Variants in TP53INP1 observed in about 807,000 individuals in gnomAD.
TP53INP1 encodes the protein tumor protein p53 inducible nuclear protein 1.
A neutral mutation model predicts 21.0 loss-of-function variants in TP53INP1; 12 were observed. That is an observed-to-expected ratio of 0.57 (90% confidence interval 0.37 to 0.93). TP53INP1 has a LOEUF of 0.93. Among genes scored for constraint, TP53INP1 ranks in the 40% least tolerant of loss-of-function variants. The pLI is 0.01. For synonymous variants in TP53INP1, 91 were observed against 94.8 expected, an observed-to-expected ratio of 0.96 and a Z score of 0.23; for missense variants, 274 against 294.7, an observed-to-expected ratio of 0.93 and a Z score of 0.51.
rs1245615544 is a variant in TP53INP1, at chr8:94,935,163, A to AGATAGATAGATAGAT, written c.474-4436_474-4435insATCTATCTATCTATC. 1.2e-4 allele frequency among the ~76,000 whole-genome samples: 19 copies of AGATAGATAGATAGAT among 152,192 alleles called. No individual in the cohort carries two copies. In the East Asian group the frequency reaches 3.7e-3, roughly 29 times the overall value. On this transcript the variant is annotated intron_variant, in intron 3 of 3. Coordinates refer to ENST00000342697, the MANE Select transcript of TP53INP1 (RefSeq NM_033285.4). ...TAGATAGATAGATAGATAGATAGAT[A>AGATAGATAGATAGAT]GATAGATAGATATAATACAATACTT... is the stretch of plus-strand genomic sequence containing the variant.
chr8:94,936,501 T>A (rs1820989075), intron 3 of TP53INP1, among the ~76,000 whole-genome samples: 2 of 152,038 alleles, frequency 1.3e-5, no homozygotes, highest in Non-Finnish European at 2.9e-5. Context: ...GCTACTTTGA[T>A]CAAAGAAGGT....
chr8:94,941,655 A>G (rs142924981), intron 1 of TP53INP1, among the ~76,000 whole-genome samples: 1 of 152,352 alleles, frequency 6.6e-6, no homozygotes, highest in East Asian at 1.9e-4. Flanking sequence ...TAGGAAACTG[A>G]GCTTGGCCAA....
At position 94,932,328 on chromosome 8, in the gene TP53INP1, A is replaced by G. The variant is rs112984593; in HGVS notation, c.474-1600T>C. Among the ~76,000 whole-genome samples, 382 of 152,356 alleles carry G rather than the reference A, an allele frequency of 2.5e-3. 4 individuals are homozygous for G. Among genetic ancestry groups the G allele is most frequent in the African/African-American group, 8.7e-3 (361 of 41,586 alleles). ...TACCCTGAAGCCCACTGTAATTACA[A>G]AGCACCTCAATTTTCTGTGCTTTAT... On this transcript the variant is annotated intron_variant, in intron 3 of 3. Coordinates refer to ENST00000342697, the MANE Select transcript of TP53INP1 (RefSeq NM_033285.4).
intron 1 of TP53INP1, among the ~76,000 whole-genome samples, chr8:94,947,843 C>T (rs1822154330): frequency 1.3e-5 from 2 of 152,184 alleles, no homozygotes; most frequent in Admixed American, 1.3e-4. Flanking sequence ...TTAGTAAGGT[C>T]CTGGTTCCAG....
At chr8:94,934,607 C>A (rs1200686393) in intron 3 of TP53INP1, among the ~76,000 whole-genome samples, 1 of 152,040 alleles carries the variant, frequency 6.6e-6, no homozygotes, top group Admixed American at 6.6e-5. Context: ...GTCTTGAACT[C>A]CTGACCTCGT....
At chr8:94,932,019 T>A in intron 3 of TP53INP1, 1 of 1,553,520 alleles carries the variant, frequency 6.4e-7, no homozygotes, top group South Asian at 1.2e-5. Flanking sequence ...TTGGGTCCTT[T>A]GCCTCCCTAT....
chr8:94,934,235 T>C (rs1363462301), intron 3 of TP53INP1, among the ~76,000 whole-genome samples: 1 of 152,194 alleles, frequency 6.6e-6, no homozygotes, highest in Non-Finnish European at 1.5e-5. Context: ...TTTCCAATTT[T>C]TGCATATTTG....
rs1405013947 is a variant in TP53INP1 at position 94,930,685 on chromosome 8, C to A, written c.517G>T (p.Val173Phe). The A allele has an allele frequency of 6.2e-7, 1 of 1,614,070 alleles. No individual in the cohort carries two copies. The highest frequency in any genetic ancestry group is 2.2e-5 in the East Asian group (1 of 44,904). The stretch of plus-strand genomic sequence containing the variant: ...GTTGTATGAGCAGCAAGAGCTGCAA[C>A]ATAACAATGAATATGCTGCCCCATT... ...NEMGQHIHCYVAALAAHTTFL... is the reference protein window; with the variant it reads ...NEMGQHIHCYFAALAAHTTFL... The change falls in exon 4 of 4, where the codon GTT becomes TTT. Residue 173 changes from valine (V) to phenylalanine (F), a missense_variant. Val to Phe is a conservative substitution (Grantham distance 50). Transcript: ENST00000342697.
At position 94,930,319 on chromosome 8, in the gene TP53INP1, A is replaced by T; in HGVS notation, c.*160T>A. The T allele has an allele frequency of 1.0e-6, 1 of 968,616 alleles. No individual in the cohort carries two copies. Among genetic ancestry groups the T allele is most frequent in the Non-Finnish European group, 1.5e-6 (1 of 653,232 alleles). The allele number at this position is 968,616 out of a possible 1,614,324, so 60.0% of individuals were successfully genotyped here. On this transcript the variant is annotated 3_prime_UTR_variant, in exon 4 of 4. Transcript: ENST00000342697. The stretch of plus-strand genomic sequence containing the variant: ...GGCAAGGCATTATGTGATACACAGC[A>T]TATAAATCTGATTTTCAAGATAGTG...
intron 2 of TP53INP1, 58 bp from the exon 3 acceptor site, chr8:94,940,278 T>G (rs774879019): frequency 1.6e-5 from 24 of 1,525,464 alleles, no homozygotes; most frequent in Non-Finnish European, 2.0e-5. Flanking sequence ...CACAGGAGGA[T>G]GATTATCACA....
intron 1 of TP53INP1, among the ~76,000 whole-genome samples, chr8:94,945,243 C>G (rs914413628): frequency 1.6e-4 from 25 of 152,096 alleles, no homozygotes; most frequent in African/African-American, 6.0e-4. Flanking sequence ...CAAATGAAAA[C>G]TTTGTATCTG....
intron 3 of TP53INP1, among the ~76,000 whole-genome samples, chr8:94,932,752 G>C (rs893819493): frequency 3.9e-5 from 6 of 152,126 alleles, no homozygotes; most frequent in African/African-American, 1.4e-4. Flanking sequence ...GCAGTGAGCC[G>C]AGATAGCGCC....
rs1005719752 is a variant in TP53INP1 at position 94,933,840 on chromosome 8, G to GC, written c.474-3113_474-3112insG. ...CTGTAATCCCAGCACTTTGTGGGGG[G>GC]GGGGGGAGGATCACGAGGTCAGGAG... On this transcript the variant is annotated intron_variant, in intron 3 of 3. Transcript: ENST00000342697. 8.7e-5 allele frequency among the ~76,000 whole-genome samples: 13 copies of GC among 148,602 alleles called. 1 individual carries two copies. In the Middle Eastern group the frequency reaches 0.017, roughly 197 times the overall value.
chr8:94,935,251 G>C (rs1820870544), intron 3 of TP53INP1, among the ~76,000 whole-genome samples: 1 of 152,090 alleles, frequency 6.6e-6, no homozygotes, highest in Non-Finnish European at 1.5e-5. Context: ...ACTGCTCCAA[G>C]GATCCAAATC....
At chr8:94,944,977 C>T (rs1259415104) in intron 1 of TP53INP1, among the ~76,000 whole-genome samples, 1 of 152,216 alleles carries the variant, frequency 6.6e-6, no homozygotes, top group East Asian at 1.9e-4. Flanking sequence ...GAGACCCTCC[C>T]CCCATTGCTA....
At chr8:94,946,189 C>T (rs558700711) in intron 1 of TP53INP1, among the ~76,000 whole-genome samples, 3 of 151,466 alleles carry the variant, frequency 2.0e-5, no homozygotes, top group African/African-American at 7.3e-5. Context: ...CTCACTGTTA[C>T]TTAACATTTT....
rs965228259 is a variant in TP53INP1, at chr8:94,939,779, A to G, written c.473+81T>C. The G allele has an allele frequency of 6.5e-6, 10 of 1,543,950 alleles. No homozygotes were observed. In the African/African-American group the frequency reaches 1.4e-4, roughly 21 times the overall value. On this transcript the variant is annotated intron_variant, in intron 3 of 3. Transcript: ENST00000342697. Reference sequence around the variant, plus strand: ...AACAAAATTAGTTTTGCATCTTCTAATAACTTAGCTTTGAATTACAGTAGA... The same window carrying G: ...AACAAAATTAGTTTTGCATCTTCTAGTAACTTAGCTTTGAATTACAGTAGA...
In TP53INP1 at chr8:94,933,487, G is replaced by A. The variant is rs934009287; in HGVS notation, c.474-2759C>T. Among the ~76,000 whole-genome samples, 5 of 152,110 alleles carry A rather than the reference G, an allele frequency of 3.3e-5. No individual in the cohort carries two copies. The South Asian group carries it at 8.3e-4, about 25-fold the overall frequency. On this transcript the variant is annotated intron_variant, in intron 3 of 3. Coordinates refer to ENST00000342697, the MANE Select transcript of TP53INP1 (RefSeq NM_033285.4). ...GTTTATAAAATAGTATATCTGGGCC[G>A]GGCACAGTGGCTCATACCTGTAATC... is the stretch of plus-strand genomic sequence containing the variant.
rs1819995777 is a variant in TP53INP1 at position 94,927,483 on chromosome 8, GA to G, written c.*2995del. 1 of 152,104 alleles carries G rather than the reference GA, an allele frequency of 6.6e-6. No individual in the cohort carries two copies. The highest frequency in any genetic ancestry group is 6.5e-5 in the Admixed American group (1 of 15,272). 9.4% of individuals were successfully genotyped at this position (152,104 alleles called of 1,614,324 possible). On this transcript the variant is annotated 3_prime_UTR_variant, in exon 4 of 4. Coordinates refer to ENST00000342697, the MANE Select transcript of TP53INP1 (RefSeq NM_033285.4). ...GCATGGGGATTGGAAAAATGTATAG[GA>G]AATTAATATTTCTTAAAAGCTCCCT...
Sources: gnomAD v4.1 joint callset for allele counts (sites outside exome capture counted in the v4.1 genomes callset) on GRCh38, gnomAD v4.1.1 for gene constraint, MANE v1.5 for transcripts, NCBI Gene and HGNC (gene_info 2026-07-23, HGNC 2026-07-21) for gene names.